CYP2D6: variants seen among roughly 807,000 people sequenced by gnomAD.
CYP2D6 encodes cytochrome P450 family 2 subfamily D member 6 (gene/pseudogene), also known as cytochrome P450 2D6.
Under a neutral mutation model 43.5 loss-of-function variants are expected in CYP2D6, and 51 were observed. The observed-to-expected ratio is 1.17, with a 90% CI of 0.94 to 1.48. The LOEUF is 1.48. Ranked by LOEUF, CYP2D6 falls within the 40% of genes most tolerant of loss-of-function variation. The probability of loss-of-function intolerance (pLI) is 0.00; values close to 1 mark genes in which losing one functional copy is unlikely to be tolerated. For missense variants in CYP2D6, 698 were observed against 688.0 expected, an observed-to-expected ratio of 1.01 and a Z score of -0.16; for synonymous variants, 346 against 297.1, an observed-to-expected ratio of 1.16 and a Z score of -1.69.
chr22:42,127,254 A>C (rs1218122754), intron 7 of CYP2D6, among the ~76,000 whole-genome samples, 193 bp downstream of exon 7: 1 of 151,696 alleles, frequency 6.6e-6, no homozygotes, highest in East Asian at 1.9e-4. Context: ...TCTCCCCACT[A>C]GACGGGGGCT....
At chr22:42,129,350 C>T (rs1314724611) in intron 2 of CYP2D6, 165 bp from the exon 3 acceptor site, 4 of 1,043,420 alleles carry the variant, frequency 3.8e-6, no homozygotes, top group South Asian at 2.7e-5. Flanking sequence ...TTGGCTGGGG[C>T]AGGGCTTTGC....
Position 42,129,810 on chromosome 22 carries a change from G to A in CYP2D6, c.280C>T (p.His94Tyr), listed in dbSNP as rs752300760. The A allele has an allele frequency of 9.3e-6, 15 of 1,605,210 alleles. 1 individual carries two copies. The highest frequency in any genetic ancestry group is 1.3e-5 in the Non-Finnish European group (15 of 1,176,284). Residue 94 changes from histidine to tyrosine, a missense_variant, in exon 2 of 9, where the codon CAC becomes TAC. His to Tyr is a moderately conservative substitution (Grantham distance 83, BLOSUM62 2). This residue lies in a region of CYP2D6 where 588 missense variants were observed against 521.1 expected (regional missense o/e 1.13). Transcript: ENST00000645361. ...LAAVREALVT[H>Y]GEDTADRPPV... The stretch of plus-strand genomic sequence containing the variant: ...GGGCGGTCGGCGGTGTCCTCGCCGT[G>A]GGTCACCAGCGCCTCGCGCACGGCC...
intron 2 of CYP2D6, 106 bp downstream of exon 2, chr22:42,129,632 G>T: frequency 6.8e-7 from 1 of 1,461,318 alleles, no homozygotes; most frequent in East Asian, 2.3e-5. Context: ...CCACTCGCTG[G>T]CCTGTTTCAT....
chr22:42,127,496 G>C lies in CYP2D6; in HGVS notation c.1124C>G (p.Thr375Ser). Residue 375 changes from threonine (T) to serine (S), a missense_variant, in exon 7 of 9, where the codon ACC becomes AGC. Physicochemically the swap from Thr to Ser is moderately conservative, Grantham distance 58 (BLOSUM62 1). Coordinates refer to ENST00000645361, the MANE Select transcript of CYP2D6 (RefSeq NM_000106.6). ...TTCGATGTCACGGGATGTCATATGG[G>C]TCACACCCAGGGGGACGATGTCCCC... ...RFGDIVPLGV[T>S]HMTSRDIEVQ... The C allele has an allele frequency of 6.2e-7, 1 of 1,611,660 alleles. No individual in the cohort carries two copies. Among genetic ancestry groups the C allele is most frequent in the Non-Finnish European group, 8.5e-7 (1 of 1,178,310 alleles).
At chr22:42,128,497 C>T (rs1931363021) in intron 4 of CYP2D6, 147 bp from the exon 5 acceptor site, 4 of 1,016,114 alleles carry the variant, frequency 3.9e-6, no homozygotes, top group Middle Eastern at 2.3e-4. Context: ...TGCCAGCCTC[C>T]ACCCTCTCTC....
intron 7 of CYP2D6, among the ~76,000 whole-genome samples, chr22:42,127,198 C>T (rs1303416806): frequency 6.6e-6 from 1 of 151,280 alleles, no homozygotes; most frequent in Admixed American, 6.6e-5. Flanking sequence ...TGCCCCCTCT[C>T]CCTGCAGGCG....
At chr22:42,129,285 C>T (rs1931607170) in intron 2 of CYP2D6, 100 bp from the exon 3 acceptor site, 2 of 1,438,866 alleles carry the variant, frequency 1.4e-6, no homozygotes, top group South Asian at 1.2e-5. Context: ...CCCGCAGTCC[C>T]TGGCTCTGTC....
chr22:42,128,093 A>G (rs1931243144), intron 5 of CYP2D6, 81 bp downstream of exon 5: 1 of 1,585,010 alleles, frequency 6.3e-7, no homozygotes, highest in Non-Finnish European at 8.6e-7. Flanking sequence ...CACTGGTCCA[A>G]CCTTTTGCCC....
chr22:42,129,702 C>T (rs2146940633), intron 2 of CYP2D6, 36 bp downstream of exon 2: 1 of 1,607,962 alleles, frequency 6.2e-7, no homozygotes, highest in South Asian at 1.1e-5. Flanking sequence ...CACCCGGGTC[C>T]CACGGAAATC....
Position 42,128,932 on chromosome 22 carries a change from C to T in CYP2D6, c.518G>A (p.Arg173His), listed in dbSNP as rs556882139. ...AFANHSGRPFRPNGLLDKAVS... is the reference protein window; with the variant it reads ...AFANHSGRPFHPNGLLDKAVS... ...GGCTTTGTCCAAGAGACCGTTGGGG[C>T]GAAAGGGGCGTCCTGGGGGTGGGAG... Residue 173 changes from arginine to histidine, a missense_variant, in exon 4 of 9, where the codon CGC becomes CAC. Around this residue, in one of 5 missense-constraint regions of CYP2D6, gnomAD observed 588 missense variants for 521.1 expected, o/e 1.13. Coordinates refer to ENST00000645361, the MANE Select transcript of CYP2D6 (RefSeq NM_000106.6). 2.3e-5 allele frequency: 36 copies of T among 1,589,184 alleles called. 2 individuals are homozygous for T. The South Asian group carries it at 2.7e-4, about 12-fold the overall frequency.
chr22:42,127,831 G>A lies in CYP2D6; in HGVS notation c.985+11C>T, dbSNP rs201895960. On this transcript the variant is annotated intron_variant, in intron 6 of 8. Transcript: ENST00000645361. Reference sequence around the variant, plus strand: ...CCCTCGGCCCCTGCACTGTTTCCCAGATGGGCTCACGCTGCACATCCGGAT... The same window carrying A: ...CCCTCGGCCCCTGCACTGTTTCCCAAATGGGCTCACGCTGCACATCCGGAT... The A allele has an allele frequency of 2.5e-5, 41 of 1,610,696 alleles. No individual in the cohort carries two copies. The highest frequency in any genetic ancestry group is 1.2e-4 in the South Asian group (11 of 90,918).
At chr22:42,128,051 C>T (rs1931234967) in intron 5 of CYP2D6, 68 bp from the exon 6 acceptor site, 13 of 1,605,968 alleles carry the variant, frequency 8.1e-6, no homozygotes, top group East Asian at 4.5e-5. Context: ...AATTCTGCAC[C>T]TGTCAGCCCA....
intron 1 of CYP2D6, chr22:42,130,244 C>T: frequency 2.0e-6 from 1 of 511,944 alleles, no homozygotes; most frequent in Non-Finnish European, 3.4e-6. Flanking sequence ...GGTCACTGCA[C>T]CCCCTTCATC....
At chr22:42,129,274 TCC>T in intron 2 of CYP2D6, 89 bp from the exon 3 acceptor site, 2 of 1,476,288 alleles carry the variant, frequency 1.4e-6, no homozygotes, top group Non-Finnish European at 1.9e-6. Flanking sequence ...CCCCCTGGTC[TCC>T]CGCAGTCCCT....
rs1602575928 is a variant in CYP2D6, at chr22:42,128,570, G to A, written c.666+214C>T. ...CGTGGATAGGAGGTACAGAGTCCTT[G>A]GCCTCTCCTGGTGCCCCCTGACCCG... On this transcript the variant is annotated intron_variant, in intron 4 of 8. Transcript: ENST00000645361. 6.6e-6 allele frequency among the ~76,000 whole-genome samples: 1 copy of A among 150,828 alleles called. No homozygotes were observed. Among genetic ancestry groups the A allele is most frequent in the East Asian group, 1.9e-4 (1 of 5,146 alleles).
rs77578877 is a variant in CYP2D6 at position 42,128,897 on chromosome 22, C to G, written c.553G>C (p.Val185Leu). The G allele has an allele frequency of 1.8e-4, 284 of 1,594,974 alleles. 4 individuals carry two copies. Among genetic ancestry groups the G allele is most frequent in the Non-Finnish European group, 2.2e-4 (258 of 1,170,738 alleles). Residue 185 changes from valine (V) to leucine (L), a missense_variant, in exon 4 of 9, where the codon GTG becomes CTG. Transcript: ENST00000645361. ...CGCCCGCAGGTGAGGGAGGCGATCA[C>G]GTTGCTCACGGCTTTGTCCAAGAGA... ...NGLLDKAVSNVIASLTCGRRF... is the reference protein window; with the variant it reads ...NGLLDKAVSNLIASLTCGRRF...
At chr22:42,129,491 G>A (rs1931661028) in intron 2 of CYP2D6, 2 of 721,698 alleles carry the variant, frequency 2.8e-6, no homozygotes, top group African/African-American at 1.7e-5. Context: ...ATTCCAGCTG[G>A]GAAATGCGCC....
At chr22:42,128,132 C>T in intron 5 of CYP2D6, 42 bp downstream of exon 5, 3 of 1,584,424 alleles carry the variant, frequency 1.9e-6, no homozygotes, top group South Asian at 1.1e-5. Context: ...CTGGGACGCT[C>T]AACCCACCAC....
Position 42,129,804 on chromosome 22 carries a change from C to T in CYP2D6, c.286G>A (p.Glu96Lys), listed in dbSNP as rs762154814. The T allele has an allele frequency of 9.3e-6, 15 of 1,605,996 alleles. 1 individual carries two copies. In the South Asian group the frequency reaches 9.9e-5, roughly 11 times the overall value. The change falls in exon 2 of 9, where the codon GAG becomes AAG. Residue 96 changes from glutamate to lysine, a missense_variant. By Grantham distance (56) the Glu-to-Lys change is moderately conservative. Around this residue, in one of 5 missense-constraint regions of CYP2D6, gnomAD observed 588 missense variants for 521.1 expected, o/e 1.13. Coordinates refer to ENST00000645361, the MANE Select transcript of CYP2D6 (RefSeq NM_000106.6). ...AVREALVTHG[E>K]DTADRPPVPI... is the part of the protein sequence containing the mutation. ...ACAGGCGGGCGGTCGGCGGTGTCCT[C>T]GCCGTGGGTCACCAGCGCCTCGCGC...
Sources: allele counts gnomAD v4.1 joint callset (sites outside exome capture counted in the v4.1 genomes callset), GRCh38; gene constraint gnomAD v4.1.1; regional missense constraint gnomAD v4.1.1; transcripts MANE v1.5; gene names NCBI Gene and HGNC (gene_info 2026-07-23, HGNC 2026-07-21).